The following ERBB4 variants were observed in gnomAD, a reference collection of about 807,000 sequenced individuals.
ERBB4 encodes the protein erb-b2 receptor tyrosine kinase 4.
A neutral mutation model predicts 158.0 loss-of-function variants in ERBB4; 42 were observed. That is an observed-to-expected ratio of 0.27 (90% CI 0.21 to 0.34). The LOEUF (loss-of-function observed/expected upper bound fraction) is 0.34. Ranked by LOEUF, ERBB4 falls within the 10% of genes least tolerant of loss-of-function variation. The pLI is 1.00. For synonymous variants in ERBB4, 583 were observed against 558.7 expected, an observed-to-expected ratio of 1.04 and a Z score of -0.61; for missense variants, 1,333 against 1,624.1, an observed-to-expected ratio of 0.82 and a Z score of 3.08.
intron 3 of ERBB4, among the ~76,000 whole-genome samples, chr2:211,900,049 C>T (rs941449040): frequency 5.9e-5 from 9 of 152,098 alleles, no homozygotes. Context: ...GACAAGGTGT[C>T]TTATGCCAAT....
intron 1 of ERBB4, among the ~76,000 whole-genome samples, chr2:212,142,270 C>T (rs1189020170): frequency 6.6e-6 from 1 of 152,044 alleles, no homozygotes; most frequent in African/African-American, 2.4e-5. Flanking sequence ...AGGGCAGGAA[C>T]TCTGTTTTGT....
chr2:211,968,152 A>T (rs1426710327), intron 2 of ERBB4, among the ~76,000 whole-genome samples: 2 of 151,996 alleles, frequency 1.3e-5, no homozygotes, highest in African/African-American at 4.8e-5. Flanking sequence ...TTCCCTTCAA[A>T]CTGAACATTC....
intron 2 of ERBB4, among the ~76,000 whole-genome samples, chr2:212,018,021 G>T (rs1335743140): frequency 6.6e-6 from 1 of 152,120 alleles, no homozygotes; most frequent in Non-Finnish European, 1.5e-5. Context: ...TAGCTTAAAT[G>T]CAGAGTCTTG....
In ERBB4 at chr2:211,379,563, C is replaced by T; in HGVS notation, c.*4052G>A. 4.3e-6 allele frequency: 1 copy of T among 230,976 alleles called. No individual in the cohort carries two copies. 14.3% of individuals were successfully genotyped at this position (230,976 alleles called of 1,614,324 possible). ...ATCCATCCTACATTTTTATATCCTGCATTTAACTTTGTTACATTATACTTG... is the reference window on the plus strand; with the variant it reads ...ATCCATCCTACATTTTTATATCCTGTATTTAACTTTGTTACATTATACTTG... On this transcript the variant is annotated 3_prime_UTR_variant, in exon 28 of 28. Transcript: ENST00000342788.
intron 3 of ERBB4, among the ~76,000 whole-genome samples, chr2:211,895,834 C>G (rs573468132): frequency 2.6e-5 from 4 of 151,590 alleles, no homozygotes; most frequent in Non-Finnish European, 5.9e-5. Context: ...GTTAGGGTCA[C>G]AAATGACATT....
At chr2:212,448,031 G>A (rs2092388886) in intron 1 of ERBB4, among the ~76,000 whole-genome samples, 1 of 152,094 alleles carries the variant, frequency 6.6e-6, no homozygotes, top group African/African-American at 2.4e-5. Context: ...TCCTGTTTCA[G>A]ACTCAAATCC....
intron 20 of ERBB4, among the ~76,000 whole-genome samples, chr2:211,496,583 A>G (rs2065475239): frequency 6.6e-6 from 1 of 151,956 alleles, no homozygotes; most frequent in Non-Finnish European, 1.5e-5. Flanking sequence ...AAGCACCCAT[A>G]ATACTACTAC....
chr2:211,611,310 G>C (rs1407986736), intron 19 of ERBB4, among the ~76,000 whole-genome samples: 1 of 151,718 alleles, frequency 6.6e-6, no homozygotes, highest in East Asian at 1.9e-4. Context: ...AATTCTGTAG[G>C]ACAGAAAAAG....
intron 1 of ERBB4, among the ~76,000 whole-genome samples, chr2:212,526,855 T>G (rs940359452): frequency 1.3e-5 from 2 of 152,212 alleles, no homozygotes; most frequent in East Asian, 1.9e-4. Context: ...GCAACTGCTT[T>G]GCTAGTTGCA....
intron 19 of ERBB4, 58 bp from the exon 20 acceptor site, chr2:211,562,146 T>C: frequency 6.8e-7 from 1 of 1,466,296 alleles, no homozygotes; most frequent in Non-Finnish European, 9.5e-7. Context: ...GATTTAGAGT[T>C]ACTTGGATTG....
At chr2:212,219,950 A>C (rs1489083239) in intron 1 of ERBB4, among the ~76,000 whole-genome samples, 2 of 106,980 alleles carry the variant, frequency 1.9e-5, no homozygotes, top group African/African-American at 3.3e-5. Flanking sequence ...ATTTTTATCA[A>C]CCCGCAAAAA....
chr2:212,423,068 G>A (rs1246497794), intron 1 of ERBB4, among the ~76,000 whole-genome samples: 1 of 151,894 alleles, frequency 6.6e-6, no homozygotes, highest in African/African-American at 2.4e-5. Context: ...GAGGATAAAC[G>A]ATGAAAAATG....
chr2:211,781,503 G>A (rs1305491860), intron 4 of ERBB4, among the ~76,000 whole-genome samples: 3 of 152,286 alleles, frequency 2.0e-5, no homozygotes, highest in African/African-American at 7.2e-5. Context: ...AGCAGCTGAG[G>A]ATTGTTCTTC....
intron 13 of ERBB4, among the ~76,000 whole-genome samples, chr2:211,678,257 T>C (rs1029203736): frequency 2.0e-5 from 3 of 150,220 alleles, no homozygotes; most frequent in African/African-American, 7.4e-5. Context: ...AAGCCATTCC[T>C]ATATACAAAT....
intron 3 of ERBB4, among the ~76,000 whole-genome samples, chr2:211,874,314 A>G (rs1234525226): frequency 6.6e-6 from 1 of 152,212 alleles, no homozygotes; most frequent in East Asian, 1.9e-4. Flanking sequence ...TAATCTGAAT[A>G]GAGAACTGTA....
In ERBB4 at chr2:211,682,564, T is replaced by C. The variant is rs1476650148; in HGVS notation, c.1490-3380A>G. 3.3e-5 allele frequency among the ~76,000 whole-genome samples: 5 copies of C among 152,222 alleles called. No homozygotes were observed. The South Asian group carries it at 8.3e-4, about 25-fold the overall frequency. On this transcript the variant is annotated intron_variant, in intron 12 of 27. Coordinates refer to ENST00000342788, the MANE Select transcript of ERBB4 (RefSeq NM_005235.3). Reference sequence around the variant, plus strand: ...ATAAAATGAACAATCACAGGTACTATGTAAGGATCTATTCAGTTTTTGTAT... The same window carrying C: ...ATAAAATGAACAATCACAGGTACTACGTAAGGATCTATTCAGTTTTTGTAT...
chr2:212,301,660 C>T (rs766088546), intron 1 of ERBB4, among the ~76,000 whole-genome samples: 1 of 142,126 alleles, frequency 7.0e-6, no homozygotes, highest in Admixed American at 6.8e-5. Flanking sequence ...CATATGGATT[C>T]ATAGATTACA....
intron 1 of ERBB4, among the ~76,000 whole-genome samples, chr2:212,213,128 G>T (rs1438166587): frequency 6.6e-6 from 1 of 151,934 alleles, no homozygotes; most frequent in African/African-American, 2.4e-5. Flanking sequence ...AAGTGAACAG[G>T]CAACCTACGA....
intron 3 of ERBB4, among the ~76,000 whole-genome samples, chr2:211,919,275 G>T (rs2079794227): frequency 6.6e-6 from 1 of 151,956 alleles, no homozygotes; most frequent in South Asian, 2.1e-4. Flanking sequence ...GGGGAAAAAG[G>T]TTAAATTTGG....
Sources: allele counts gnomAD v4.1 joint callset (sites outside exome capture counted in the v4.1 genomes callset), GRCh38; gene constraint gnomAD v4.1.1; transcripts MANE v1.5; gene names NCBI Gene and HGNC (gene_info 2026-07-23, HGNC 2026-07-21).